The following IGSF11 variants were observed in gnomAD, a reference collection of about 807,000 sequenced individuals.
IGSF11 encodes CXADR like 1.
IGSF11 carries 22 observed loss-of-function variants against 41.0 expected under a neutral mutation model. That is an observed-to-expected ratio of 0.54 (90% CI 0.38 to 0.77). The LOEUF (loss-of-function observed/expected upper bound fraction) is 0.77, where lower values mean the gene tolerates loss of function less well. IGSF11 is among the 30% of genes least tolerant of loss of function. The pLI is 0.00. For missense variants in IGSF11, 444 were observed against 530.8 expected, an observed-to-expected ratio of 0.84 and a Z score of 1.61; for synonymous variants, 219 against 201.3, an observed-to-expected ratio of 1.09 and a Z score of -0.74.
intron 1 of IGSF11, among the ~76,000 whole-genome samples, chr3:119,129,821 A>C (rs1374946283): frequency 1.3e-5 from 2 of 152,196 alleles, no homozygotes; most frequent in East Asian, 3.9e-4. Context: ...ACTGTCTCTG[A>C]AAAGAATTTA....
At chr3:118,962,409 T>C (rs1406574246) in intron 1 of IGSF11, among the ~76,000 whole-genome samples, 3 of 152,230 alleles carry the variant, frequency 2.0e-5, no homozygotes, top group South Asian at 2.1e-4. Context: ...TTCATTTCAT[T>C]ATTATTAGTG....
intron 1 of IGSF11, among the ~76,000 whole-genome samples, chr3:118,935,385 CACACACACACAT>C (rs201163041): frequency 0.024 from 3,264 of 138,594 alleles, 67 homozygotes; most frequent in East Asian, 0.064. Context: ...TACACACACA[CACACACACACAT>C]ACACACACAC....
At chr3:118,954,813 G>C (rs1400706564) in intron 1 of IGSF11, among the ~76,000 whole-genome samples, 1 of 152,000 alleles carries the variant, frequency 6.6e-6, no homozygotes, top group Non-Finnish European at 1.5e-5. Context: ...ATGAATAAAT[G>C]TGGGTAAATG....
chr3:119,020,524 C>A (rs1939186561), intron 1 of IGSF11, among the ~76,000 whole-genome samples: 1 of 152,198 alleles, frequency 6.6e-6, no homozygotes, highest in African/African-American at 2.4e-5. Context: ...ACACATTACA[C>A]CATAATGAGC....
At chr3:119,028,762 G>A (rs539479044) in intron 1 of IGSF11, among the ~76,000 whole-genome samples, 1 of 151,946 alleles carries the variant, frequency 6.6e-6, no homozygotes, top group South Asian at 2.1e-4. Flanking sequence ...TTACCAAGGT[G>A]TAAAGATTAG....
chr3:119,140,862 G>C (rs1297437182), intron 1 of IGSF11, among the ~76,000 whole-genome samples: 1 of 131,990 alleles, frequency 7.6e-6, no homozygotes, highest in Non-Finnish European at 1.5e-5. Context: ...TGGCTAACAT[G>C]GCGAAACCCC....
intron 1 of IGSF11, among the ~76,000 whole-genome samples, chr3:118,960,546 C>T (rs540691417): frequency 1.1e-4 from 16 of 151,774 alleles, no homozygotes; most frequent in South Asian, 6.3e-4. Context: ...ACTATTTTGC[C>T]GGTTGATTAT....
At chr3:119,063,562 A>T (rs942147917) in intron 1 of IGSF11, among the ~76,000 whole-genome samples, 1 of 152,180 alleles carries the variant, frequency 6.6e-6, no homozygotes, top group Non-Finnish European at 1.5e-5. Flanking sequence ...CAATGGTTAC[A>T]TTTTTTAGTC....
chr3:118,942,871 G>A (rs1472841978), intron 1 of IGSF11, among the ~76,000 whole-genome samples: 1 of 152,162 alleles, frequency 6.6e-6, no homozygotes, highest in Non-Finnish European at 1.5e-5. Flanking sequence ...GTGGGGCAGA[G>A]GAGGTAGGAG....
chr3:119,057,461 T>G (rs566568260), intron 1 of IGSF11, among the ~76,000 whole-genome samples: 3 of 152,016 alleles, frequency 2.0e-5, no homozygotes, highest in South Asian at 2.1e-4. Flanking sequence ...CACTGCTCAA[T>G]GAAATAAAAG....
chr3:118,951,113 C>T (rs114878129), intron 1 of IGSF11, among the ~76,000 whole-genome samples: 3,925 of 152,258 alleles, frequency 0.026, 140 homozygotes, highest in African/African-American at 0.089. Context: ...CCACATGTGG[C>T]TATTCAGCAT....
intron 1 of IGSF11, among the ~76,000 whole-genome samples, chr3:119,101,604 G>A (rs2076941731): frequency 6.6e-6 from 1 of 152,150 alleles, no homozygotes; most frequent in African/African-American, 2.4e-5. Flanking sequence ...TCCTTCCCCT[G>A]AGCTATACTG....
intron 1 of IGSF11, among the ~76,000 whole-genome samples, chr3:119,033,914 CAT>C (rs1314353935): frequency 1.3e-5 from 2 of 152,156 alleles, no homozygotes; most frequent in African/African-American, 4.8e-5. Context: ...AATTTAAAGA[CAT>C]TTATTTATTT....
In IGSF11 at chr3:118,952,856, G is replaced by GT. The variant is rs574182785; in HGVS notation, c.53-22582dup. On this transcript the variant is annotated intron_variant, in intron 1 of 6. Transcript: ENST00000393775. ...AAATCACTTTATTTGGAAAACTCCT[G>GT]TTTTTATGTTGTTATTTTTCCTGAG... Among the ~76,000 whole-genome samples, 207 of 152,120 alleles carry GT rather than the reference G, an allele frequency of 1.4e-3. 1 individual carries two copies. Among genetic ancestry groups the GT allele is most frequent in the African/African-American group, 4.2e-3 (174 of 41,518 alleles).
chr3:119,102,315 G>A (rs1293433685), intron 1 of IGSF11, among the ~76,000 whole-genome samples: 2 of 152,136 alleles, frequency 1.3e-5, no homozygotes, highest in Non-Finnish European at 2.9e-5. Context: ...ATGCATTTCT[G>A]GAGTCCACAC....
At chr3:119,116,745 T>A (rs1440955800) in intron 1 of IGSF11, among the ~76,000 whole-genome samples, 1 of 152,182 alleles carries the variant, frequency 6.6e-6, no homozygotes, top group Non-Finnish European at 1.5e-5. Context: ...AATTCACCAA[T>A]TACTCTTGCA....
intron 1 of IGSF11, among the ~76,000 whole-genome samples, chr3:119,140,705 C>T (rs1240757090): frequency 6.6e-6 from 1 of 151,996 alleles, no homozygotes; most frequent in East Asian, 1.9e-4. Flanking sequence ...CAAGATAAAC[C>T]ATATGTTATA....
At chr3:119,104,715 C>T (rs1280175554) in intron 1 of IGSF11, among the ~76,000 whole-genome samples, 1 of 152,100 alleles carries the variant, frequency 6.6e-6, no homozygotes, top group Non-Finnish European at 1.5e-5. Flanking sequence ...GGCCTTAGAA[C>T]AACAAACTGA....
intron 1 of IGSF11, among the ~76,000 whole-genome samples, chr3:119,134,150 A>G (rs1437184094): frequency 6.6e-6 from 1 of 151,954 alleles, no homozygotes; most frequent in Non-Finnish European, 1.5e-5. Context: ...TTTGAAAACC[A>G]CCACAAGACA....
Sources: allele counts gnomAD v4.1 joint callset (sites outside exome capture counted in the v4.1 genomes callset), GRCh38; gene constraint gnomAD v4.1.1; transcripts MANE v1.5; gene names NCBI Gene and HGNC (gene_info 2026-07-23, HGNC 2026-07-21).